TTF2: variants seen among roughly 807,000 people sequenced by gnomAD.
TTF2 encodes the protein transcription termination factor 2, also known as RNA polymerase II termination factor.
In TTF2, 108 loss-of-function variants were observed where a neutral mutation model predicts 142.4. That is an observed-to-expected ratio of 0.76 (90% confidence interval 0.65 to 0.89). TTF2 has a LOEUF of 0.89. Among genes scored for constraint, TTF2 ranks in the 40% least tolerant of loss-of-function variants. The pLI is 0.00. For synonymous variants in TTF2, 483 were observed against 506.2 expected, an observed-to-expected ratio of 0.95 and a Z score of 0.61; for missense variants, 1,327 against 1,379.8, an observed-to-expected ratio of 0.96 and a Z score of 0.61.
intron 12 of TTF2, among the ~76,000 whole-genome samples, chr1:117,088,427 C>A (rs904814322): frequency 6.6e-6 from 1 of 152,110 alleles, no homozygotes; most frequent in African/African-American, 2.4e-5. Flanking sequence ...GTCCCGGCTG[C>A]TCGGGAGGCT....
At position 117,092,978 on chromosome 1, in the gene TTF2, G is replaced by A; in HGVS notation, c.2976+77G>A. Reference sequence around the variant, plus strand: ...TTTCCTGTGTGACAGCACTTCATTTGTCCAAGTGGGAACAGCCATTTGCCA... The same window carrying A: ...TTTCCTGTGTGACAGCACTTCATTTATCCAAGTGGGAACAGCCATTTGCCA... On this transcript the variant is annotated intron_variant, in intron 18 of 22. Coordinates refer to ENST00000369466, the MANE Select transcript of TTF2 (RefSeq NM_003594.4). This position sits in a 1 kb window ranked among gnomAD's most constrained non-coding sequence, Gnocchi z 4.4. 3 of 1,540,814 alleles carry A rather than the reference G, an allele frequency of 1.9e-6. No homozygotes were observed. Among genetic ancestry groups the A allele is most frequent in the Non-Finnish European group, 2.7e-6 (3 of 1,128,426 alleles).
rs895124881 is a variant in TTF2 at position 117,104,193 on chromosome 1, G to A, written c.*2669G>A. ...AGGCCAGCAAGAATGTACAAACCTGGCTCTGCCATTTGCTGATTGATATTA... is the reference window on the plus strand; with the variant it reads ...AGGCCAGCAAGAATGTACAAACCTGACTCTGCCATTTGCTGATTGATATTA... On this transcript the variant is annotated 3_prime_UTR_variant, in exon 23 of 23. Coordinates refer to ENST00000369466, the MANE Select transcript of TTF2 (RefSeq NM_003594.4). 4 of 152,184 alleles carry A rather than the reference G, an allele frequency of 2.6e-5. No individual in the cohort carries two copies. Among genetic ancestry groups the A allele is most frequent in the African/African-American group, 9.7e-5 (4 of 41,434 alleles). 9.4% of individuals were successfully genotyped at this position (152,184 alleles called of 1,614,324 possible).
rs1446492036 is a variant in TTF2 at position 117,099,627 on chromosome 1, C to T, written c.3344+720C>T. 6.6e-6 allele frequency among the ~76,000 whole-genome samples: 1 copy of T among 152,112 alleles called. No homozygotes were observed. Among genetic ancestry groups the T allele is most frequent in the Non-Finnish European group, 1.5e-5 (1 of 68,016 alleles). ...TTTGCAAAATGTCCTCTGTTTTGGA[C>T]CCCCTTGTCTTTAAAAACAACAAAA... is the stretch of plus-strand genomic sequence containing the variant. On this transcript the variant is annotated intron_variant, in intron 22 of 22. Coordinates refer to ENST00000369466, the MANE Select transcript of TTF2 (RefSeq NM_003594.4). This position sits in a 1 kb window ranked among gnomAD's most constrained non-coding sequence, Gnocchi z 4.3.
Position 117,091,338 on chromosome 1 carries a change from C to A in TTF2, c.2599C>A (p.Gln867Lys), listed in dbSNP as rs759665508. Residue 867 changes from glutamine to lysine, a missense_variant, in exon 16 of 23, where the codon CAA becomes AAA. Transcript: ENST00000369466. ...TTTAATCTGAGGCAGGTCAGCTCTG[C>A]AATCCTATCTAAAAAGACATGAAAG... ...VFFARSRSALQSYLKRHESRG... is the reference protein window; with the variant it reads ...VFFARSRSALKSYLKRHESRG... 13 of 1,612,668 alleles carry A rather than the reference C, an allele frequency of 8.1e-6. No individual in the cohort carries two copies.
rs1656875977 is a variant in TTF2 at position 117,075,004 on chromosome 1, G to A, written c.420G>A (p.Gln140=). The A allele has an allele frequency of 6.2e-7, 1 of 1,613,972 alleles. No homozygotes were observed. The highest frequency in any genetic ancestry group is 2.2e-5 in the East Asian group (1 of 44,886). The change falls in exon 5 of 23, where the codon CAG becomes CAA. Residue 140 remains glutamine, a synonymous_variant. Coordinates refer to ENST00000369466, the MANE Select transcript of TTF2 (RefSeq NM_003594.4). This position sits in a 1 kb window ranked among gnomAD's most constrained non-coding sequence, Gnocchi z 4.5. The part of the protein sequence containing the change: ...DKNQEPALWK[Q]LIKGEGEEKK... ...ATCAAGAACCAGCTCTCTGGAAACA[G>A]CTCATCAAAGGTGAAGGTGAGGAAA...
chr1:117,079,695 A>G lies in TTF2; in HGVS notation c.1783+46A>G, dbSNP rs375546410. On this transcript the variant is annotated intron_variant, in intron 9 of 22. Transcript: ENST00000369466. This position sits in a 1 kb window ranked among gnomAD's most constrained non-coding sequence, Gnocchi z 4.2. Reference sequence around the variant, plus strand: ...GTCAGCCTTTATTGAATGCTTAGGCATTGTGCTAAACACGTAGTGTTGTTT... The same window carrying G: ...GTCAGCCTTTATTGAATGCTTAGGCGTTGTGCTAAACACGTAGTGTTGTTT... 249 of 1,558,500 alleles carry G rather than the reference A, an allele frequency of 1.6e-4. 1 individual carries two copies. The African/African-American group carries it at 3.0e-3, about 19-fold the overall frequency.
chr1:117,067,002 C>T (rs1656194472), intron 3 of TTF2, among the ~76,000 whole-genome samples: 1 of 152,086 alleles, frequency 6.6e-6, no homozygotes, highest in Non-Finnish European at 1.5e-5. Context: ...CTCACCTGGC[C>T]AAATTGTGTC....
intron 3 of TTF2, among the ~76,000 whole-genome samples, chr1:117,064,880 ATATCTTAAAT>A (rs939647882): frequency 7.1e-6 from 1 of 140,404 alleles, no homozygotes; most frequent in African/African-American, 2.7e-5. Flanking sequence ...TCTATTATCT[ATATCTTAAAT>A]TACTTTTGTG....
chr1:117,090,320 T>G lies in TTF2; in HGVS notation c.2496+112T>G. 6.9e-7 allele frequency: 1 copy of G among 1,454,660 alleles called. No individual in the cohort carries two copies. 90.1% of individuals were successfully genotyped at this position (1,454,660 alleles called of 1,614,324 possible). ...GCTTCAGGAGCCTCTGAGTTTCCCATCCTCCTGTGAGGAGGCCCCAGGGTT... is the reference window on the plus strand; with the variant it reads ...GCTTCAGGAGCCTCTGAGTTTCCCAGCCTCCTGTGAGGAGGCCCCAGGGTT... On this transcript the variant is annotated intron_variant, in intron 14 of 22. Coordinates refer to ENST00000369466, the MANE Select transcript of TTF2 (RefSeq NM_003594.4). The surrounding 1 kb of genome is among the most constrained non-coding windows in gnomAD (Gnocchi z 4.8).
At position 117,086,594 on chromosome 1, in the gene TTF2, C is replaced by G. The variant is rs933818976; in HGVS notation, c.2160+72C>G. 15 of 1,108,308 alleles carry G rather than the reference C, an allele frequency of 1.4e-5. No homozygotes were observed. The highest frequency in any genetic ancestry group is 1.9e-5 in the Non-Finnish European group (14 of 736,668). The allele number at this position is 1,108,308 out of a possible 1,614,324, so 68.7% of individuals were successfully genotyped here. A position where few individuals can be genotyped will look rare whatever the true frequency, so the allele number is the denominator to read the frequency against. On this transcript the variant is annotated intron_variant, in intron 12 of 22. Coordinates refer to ENST00000369466, the MANE Select transcript of TTF2 (RefSeq NM_003594.4). The surrounding 1 kb of genome is among the most constrained non-coding windows in gnomAD (Gnocchi z 4.2). ...GTTTAATGGGAGTCTTTCTCAGCCT[C>G]CACGATAGCAAGAGGACCTCCCTGG...
At position 117,076,914 on chromosome 1, in the gene TTF2, C is replaced by A; in HGVS notation, c.1573+91C>A. 1.6e-6 allele frequency: 2 copies of A among 1,237,350 alleles called. No individual in the cohort carries two copies. Among genetic ancestry groups the A allele is most frequent in the Non-Finnish European group, 1.1e-6 (1 of 901,882 alleles). The allele number at this position is 1,237,350 out of a possible 1,614,324, so 76.6% of individuals were successfully genotyped here. On this transcript the variant is annotated intron_variant, in intron 7 of 22. Transcript: ENST00000369466. This position sits in a 1 kb window ranked among gnomAD's most constrained non-coding sequence, Gnocchi z 4.6. ...AGTAGTCACCTCTTATCCACACTTT[C>A]AGTTAACCTTAGTCACCTGTGGTTC...
rs1648111348 is a variant in TTF2 at position 117,087,386 on chromosome 1, G to A, written c.2160+864G>A. 6.6e-6 allele frequency among the ~76,000 whole-genome samples: 1 copy of A among 152,260 alleles called. No homozygotes were observed. The highest frequency in any genetic ancestry group is 2.4e-5 in the African/African-American group (1 of 41,544). Reference sequence around the variant, plus strand: ...GGCTCACTGCAACCTCTGCATCCCGGGTTCAAGCGATTCTCCTGCCTCAGC... The same window carrying A: ...GGCTCACTGCAACCTCTGCATCCCGAGTTCAAGCGATTCTCCTGCCTCAGC... On this transcript the variant is annotated intron_variant, in intron 12 of 22. Coordinates refer to ENST00000369466, the MANE Select transcript of TTF2 (RefSeq NM_003594.4). This position sits in a 1 kb window ranked among gnomAD's most constrained non-coding sequence, Gnocchi z 4.8.
rs899941935 is a variant in TTF2 at position 117,087,644 on chromosome 1, T to A, written c.2160+1122T>A. Among the ~76,000 whole-genome samples, 8 of 152,250 alleles carry A rather than the reference T, an allele frequency of 5.3e-5. No homozygotes were observed. Among genetic ancestry groups the A allele is most frequent in the Admixed American group, 1.3e-4 (2 of 15,302 alleles). ...TACCTGTATGTCGCTCATCTCTTGA[T>A]GACACCCTGCCCCTCCCTGGGGCAC... On this transcript the variant is annotated intron_variant, in intron 12 of 22. Coordinates refer to ENST00000369466, the MANE Select transcript of TTF2 (RefSeq NM_003594.4). The surrounding 1 kb of genome is among the most constrained non-coding windows in gnomAD (Gnocchi z 4.8).
At position 117,083,059 on chromosome 1, in the gene TTF2, G is replaced by A. The variant is rs575195555; in HGVS notation, c.1904-959G>A. Among the ~76,000 whole-genome samples the A allele has an allele frequency of 4.6e-5, 7 of 151,872 alleles. No individual in the cohort carries two copies. In the East Asian group the frequency reaches 5.8e-4, roughly 13 times the overall value. On this transcript the variant is annotated intron_variant, in intron 10 of 22. Transcript: ENST00000369466. ...AGACCGAGACCATCCTGACTAATAC[G>A]GTGAAACCCCGTCTCTACTAAAAAT...
chr1:117,099,059 C>A lies in TTF2; in HGVS notation c.3344+152C>A. 1 of 659,990 alleles carries A rather than the reference C, an allele frequency of 1.5e-6. No individual in the cohort carries two copies. The highest frequency in any genetic ancestry group is 4.1e-5 in the South Asian group (1 of 24,660). 40.9% of individuals were successfully genotyped at this position (659,990 alleles called of 1,614,324 possible). A position where few individuals can be genotyped will look rare whatever the true frequency, so the allele number is the denominator to read the frequency against. ...GGCATACCTTCAGGCAAACCACAGT[C>A]AGGAGAAAAACGAGCAATTTGGGGT... On this transcript the variant is annotated intron_variant, in intron 22 of 22. Transcript: ENST00000369466. The surrounding 1 kb of genome is among the most constrained non-coding windows in gnomAD (Gnocchi z 4.3).
chr1:117,065,986 A>G (rs1007477549), intron 3 of TTF2, among the ~76,000 whole-genome samples: 2 of 122,810 alleles, frequency 1.6e-5, no homozygotes, highest in East Asian at 5.2e-4. Context: ...CCCACTATAT[A>G]CCTTTTTTTT....
rs1320899776 is a variant in TTF2 at position 117,085,811 on chromosome 1, CATT to C, written c.2055-604_2055-602del. Among the ~76,000 whole-genome samples the C allele has an allele frequency of 6.6e-6, 1 of 152,070 alleles. No homozygotes were observed. The highest frequency in any genetic ancestry group is 2.4e-5 in the African/African-American group (1 of 41,384). On this transcript the variant is annotated intron_variant, in intron 11 of 22. Transcript: ENST00000369466. The surrounding 1 kb of genome is among the most constrained non-coding windows in gnomAD (Gnocchi z 4.7). ...TCACTGGAAAAAGATTTGTGTTTCT[CATT>C]AATAATCTTTATATGTAAGGAGTAT... is the stretch of plus-strand genomic sequence containing the variant.
At position 117,079,767 on chromosome 1, in the gene TTF2, C is replaced by A; in HGVS notation, c.1783+118C>A. The stretch of plus-strand genomic sequence containing the variant: ...CTATGAGGCAGGTACTATTATTCCT[C>A]ATTTTACAGATGATGAAAGTGAAGC... On this transcript the variant is annotated intron_variant, in intron 9 of 22. Coordinates refer to ENST00000369466, the MANE Select transcript of TTF2 (RefSeq NM_003594.4). This position sits in a 1 kb window ranked among gnomAD's most constrained non-coding sequence, Gnocchi z 4.2. The A allele has an allele frequency of 2.1e-6, 2 of 941,288 alleles. No individual in the cohort carries two copies. The highest frequency in any genetic ancestry group is 1.5e-5 in the South Asian group (1 of 67,058). The allele number at this position is 941,288 out of a possible 1,614,324, so 58.3% of individuals were successfully genotyped here. A position where few individuals can be genotyped will look rare whatever the true frequency, so the allele number is the denominator to read the frequency against.
chr1:117,084,291 G>C (rs1487389925), intron 11 of TTF2, 123 bp downstream of exon 11: 1 of 1,250,506 alleles, frequency 8.0e-7, no homozygotes, highest in East Asian at 2.5e-5. Flanking sequence ...GCCAAAGACA[G>C]ATCTTTAGTC....
Sources: gnomAD v4.1 joint callset for allele counts (sites outside exome capture counted in the v4.1 genomes callset) on GRCh38, gnomAD v4.1.1 for gene constraint, Gnocchi (gnomAD v3.1) non-coding constraint, MANE v1.5 for transcripts, NCBI Gene and HGNC (gene_info 2026-07-23, HGNC 2026-07-21) for gene names.